Variants in LRP1B observed in about 807,000 individuals in gnomAD.
The protein encoded by LRP1B is low-density lipoprotein receptor-related protein 1B.
LRP1B carries 217 observed loss-of-function variants against 556.6 expected under a neutral mutation model. The observed-to-expected ratio is 0.39, with a 90% CI of 0.35 to 0.44. LRP1B has a LOEUF of 0.44. Among genes scored for constraint, LRP1B ranks in the 20% least tolerant of loss-of-function variants. The pLI, the probability that LRP1B is intolerant of heterozygous loss-of-function variation, is 1.00. For missense variants in LRP1B, 5,053 were observed against 5,620.8 expected, an observed-to-expected ratio of 0.90 and a Z score of 3.23; for synonymous variants, 2,047 against 1,865.8, an observed-to-expected ratio of 1.10 and a Z score of -2.50.
chr2:140,690,386 CT>C (rs5834764), intron 41 of LRP1B, among the ~76,000 whole-genome samples: 2 of 150,054 alleles, frequency 1.3e-5, no homozygotes, highest in Admixed American at 6.7e-5. Context: ...CAGGTCTTTA[CT>C]TTTTTTTTTC....
intron 2 of LRP1B, among the ~76,000 whole-genome samples, chr2:141,788,547 T>G (rs1443857724): frequency 6.6e-6 from 1 of 152,094 alleles, no homozygotes; most frequent in Non-Finnish European, 1.5e-5. Flanking sequence ...TTATTTTTAT[T>G]ATACTTTAAG....
rs189450766 is a variant in LRP1B, at chr2:140,362,629, G to T, written c.11131+2032C>A. Reference sequence around the variant, plus strand: ...TAAGCCATGGTTTGCTCTGCCCAGAGCTTTCACAAATCTTATTTCCTTTGT... The same window carrying T: ...TAAGCCATGGTTTGCTCTGCCCAGATCTTTCACAAATCTTATTTCCTTTGT... On this transcript the variant is annotated intron_variant, in intron 72 of 90. Coordinates refer to ENST00000389484, the MANE Select transcript of LRP1B (RefSeq NM_018557.3). Among the ~76,000 whole-genome samples the T allele has an allele frequency of 3.7e-3, 568 of 151,678 alleles. 3 individuals carry two copies. Among genetic ancestry groups the T allele is most frequent in the Non-Finnish European group, 4.4e-3 (296 of 67,742 alleles).
chr2:141,124,664 GA>G (rs570765407), intron 7 of LRP1B, among the ~76,000 whole-genome samples: 4,029 of 73,628 alleles, frequency 0.055, 41 homozygotes, highest in Middle Eastern at 0.083. Context: ...AGTGACAAAT[GA>G]AAAAAAAAAA....
intron 25 of LRP1B, among the ~76,000 whole-genome samples, chr2:140,877,050 C>A (rs1693330502): frequency 6.6e-6 from 1 of 152,030 alleles, no homozygotes; most frequent in African/African-American, 2.4e-5. Flanking sequence ...ATAATGCTTT[C>A]ATTTTTTTTC....
intron 1 of LRP1B, among the ~76,000 whole-genome samples, chr2:141,967,794 A>G (rs1057178585): frequency 1.3e-5 from 2 of 151,822 alleles, no homozygotes; most frequent in African/African-American, 4.8e-5. Flanking sequence ...TATGTATAGA[A>G]ATGATATTTA....
At chr2:140,324,979 G>A (rs1208584300) in intron 80 of LRP1B, among the ~76,000 whole-genome samples, 1 of 150,162 alleles carries the variant, frequency 6.7e-6, no homozygotes, top group African/African-American at 2.5e-5. Flanking sequence ...TAACTTCCCT[G>A]TGTTATTAAA....
chr2:141,769,912 T>A (rs1451745145), intron 2 of LRP1B, among the ~76,000 whole-genome samples: 1 of 152,078 alleles, frequency 6.6e-6, no homozygotes, highest in Non-Finnish European at 1.5e-5. Context: ...CTAAGAGAGG[T>A]TAAGTGAAGA....
At chr2:141,474,574 T>A (rs974363331) in intron 3 of LRP1B, among the ~76,000 whole-genome samples, 1 of 152,226 alleles carries the variant, frequency 6.6e-6, no homozygotes, top group Admixed American at 6.5e-5. Context: ...TGCAATTGCA[T>A]ATATTAGGAA....
At chr2:141,163,641 A>G (rs906492065) in intron 7 of LRP1B, among the ~76,000 whole-genome samples, 4 of 152,046 alleles carry the variant, frequency 2.6e-5, no homozygotes, top group Non-Finnish European at 4.4e-5. Context: ...TTCTTATGGT[A>G]GTGAATATAT....
rs1682875180 is a variant in LRP1B, at chr2:140,606,567, G to GAA, written c.6800-4930_6800-4929dup. On this transcript the variant is annotated intron_variant, in intron 41 of 90. Coordinates refer to ENST00000389484, the MANE Select transcript of LRP1B (RefSeq NM_018557.3). ...CAGAAAAGCCAAAAGAATCTTAAAT[G>GAA]AAAAAAACAAAGTTAGTGGGCTCAC... 2.0e-5 allele frequency among the ~76,000 whole-genome samples: 3 copies of GAA among 151,820 alleles called. No homozygotes were observed. In the South Asian group the frequency reaches 6.2e-4, roughly 32 times the overall value.
At chr2:140,342,634 A>G (rs1681452472) in intron 77 of LRP1B, among the ~76,000 whole-genome samples, 1 of 151,568 alleles carries the variant, frequency 6.6e-6, no homozygotes, top group South Asian at 2.1e-4. Flanking sequence ...ATCCACAAAG[A>G]GATCCAAAGA....
At chr2:141,111,457 CA>C (rs1700747709) in intron 7 of LRP1B, among the ~76,000 whole-genome samples, 1 of 152,020 alleles carries the variant, frequency 6.6e-6, no homozygotes, top group African/African-American at 2.4e-5. Flanking sequence ...AGGAGTTAGC[CA>C]GCTTGCTTTA....
chr2:141,509,204 C>A (rs1352126033), intron 2 of LRP1B, among the ~76,000 whole-genome samples: 2 of 152,096 alleles, frequency 1.3e-5, no homozygotes, highest in African/African-American at 4.8e-5. Flanking sequence ...TGGAGATATG[C>A]AAACTTGAAA....
At chr2:140,668,486 A>G (rs1685365774) in intron 41 of LRP1B, among the ~76,000 whole-genome samples, 1 of 152,134 alleles carries the variant, frequency 6.6e-6, no homozygotes, top group Admixed American at 6.5e-5. Context: ...TTTTTGTAAT[A>G]TGTTTCACAT....
intron 22 of LRP1B, among the ~76,000 whole-genome samples, chr2:140,903,716 T>A (rs1694168354): frequency 6.6e-6 from 1 of 151,980 alleles, no homozygotes; most frequent in Admixed American, 6.6e-5. Flanking sequence ...TGTAGGCATT[T>A]ATTTTTAAGT....
chr2:140,364,874 A>G (rs1421241324), intron 71 of LRP1B, 91 bp from the exon 72 acceptor site: 2 of 1,130,584 alleles, frequency 1.8e-6, no homozygotes, highest in African/African-American at 1.6e-5. Context: ...AGCAAACAGT[A>G]TCTAGTTGAC....
intron 87 of LRP1B, among the ~76,000 whole-genome samples, chr2:140,242,439 T>C (rs1021874697): frequency 6.6e-6 from 1 of 151,212 alleles, no homozygotes; most frequent in African/African-American, 2.4e-5. Flanking sequence ...TCATAGGGTC[T>C]ATAAATTCAA....
In LRP1B at chr2:141,639,304, GTATATATATATATATATATATA is replaced by G. The variant is rs577532316; in HGVS notation, c.206-158793_206-158772del. On this transcript the variant is annotated intron_variant, in intron 2 of 90. Transcript: ENST00000389484. Reference sequence around the variant, plus strand: ...GGACCCAGGAGTACGCATCATGTGTGTATATATATATATATATATATATATATATATATATATATATATATAC... The same window carrying G: ...GGACCCAGGAGTACGCATCATGTGTGTATATATATATATATATATATATAC... Among the ~76,000 whole-genome samples, 19 of 58,466 alleles carry G rather than the reference GTATATATATATATATATATATA, an allele frequency of 3.2e-4. 1 individual carries two copies. Among genetic ancestry groups the G allele is most frequent in the South Asian group, 2.5e-3 (3 of 1,198 alleles). 38.4% of individuals were successfully genotyped at this position (58,466 alleles called of 152,430 possible).
intron 41 of LRP1B, among the ~76,000 whole-genome samples, chr2:140,692,755 A>C (rs373546457): frequency 1.3e-5 from 2 of 152,110 alleles, no homozygotes; most frequent in East Asian, 3.9e-4. Context: ...TTGTCTTTTA[A>C]ATTTCTACAT....
Sources: gnomAD v4.1 joint callset for allele counts (sites outside exome capture counted in the v4.1 genomes callset) on GRCh38, gnomAD v4.1.1 for gene constraint, MANE v1.5 for transcripts, NCBI Gene and HGNC (gene_info 2026-07-23, HGNC 2026-07-21) for gene names.